KIF26B: variants seen among roughly 807,000 people sequenced by gnomAD.
KIF26B encodes kinesin-like protein KIF26B.
In KIF26B, 63 loss-of-function variants were observed where a neutral mutation model predicts 151.2. The observed-to-expected ratio is 0.42, with a 90% CI of 0.34 to 0.51. The LOEUF is 0.51. KIF26B is among the 20% of genes least tolerant of loss of function. The pLI, the probability that KIF26B is intolerant of heterozygous loss-of-function variation, is 0.07. For synonymous variants in KIF26B, 1,357 were observed against 1,262.1 expected, an observed-to-expected ratio of 1.08 and a Z score of -1.59; for missense variants, 2,813 against 2,913.6, an observed-to-expected ratio of 0.97 and a Z score of 0.79.
At chr1:245,586,221 T>C (rs1431137370) in intron 5 of KIF26B, among the ~76,000 whole-genome samples, 1 of 151,616 alleles carries the variant, frequency 6.6e-6, no homozygotes, top group Non-Finnish European at 1.5e-5. Flanking sequence ...AGACGGGGTC[T>C]TGCTATGTTG....
chr1:245,315,031 T>C (rs981126277), intron 2 of KIF26B, among the ~76,000 whole-genome samples: 4 of 151,408 alleles, frequency 2.6e-5, no homozygotes, highest in African/African-American at 9.7e-5. Context: ...AAATACAAAA[T>C]TAGCTGGGTG....
In KIF26B at chr1:245,465,012, T is replaced by A. The variant is rs1357111603; in HGVS notation, c.1166+45267T>A. Among the ~76,000 whole-genome samples, 28 of 139,800 alleles carry A rather than the reference T, an allele frequency of 2.0e-4. 1 individual carries two copies. The highest frequency in any genetic ancestry group is 6.2e-5 in the Non-Finnish European group (4 of 64,532). 91.7% of individuals were successfully genotyped at this position (139,800 alleles called of 152,430 possible). A position where few individuals can be genotyped will look rare whatever the true frequency, so the allele number is the denominator to read the frequency against. On this transcript the variant is annotated intron_variant, in intron 4 of 14. Transcript: ENST00000407071. ...TTTTTTTTTTGAGACTGAGTCTCAC[T>A]CTGTCGCCCAGGCTGGAGTGCAGGG...
intron 4 of KIF26B, among the ~76,000 whole-genome samples, chr1:245,496,289 GC>G (rs1660512930): frequency 6.6e-6 from 1 of 152,254 alleles, no homozygotes; most frequent in Admixed American, 6.5e-5. Context: ...GGGCATATGG[GC>G]CATTCTATTT....
chr1:245,276,323 T>G (rs1670937744), intron 2 of KIF26B, among the ~76,000 whole-genome samples: 1 of 151,158 alleles, frequency 6.6e-6, no homozygotes, highest in Non-Finnish European at 1.5e-5. Context: ...CAACAGAGAC[T>G]TCCATCTTAA....
In KIF26B at chr1:245,687,623, A is replaced by T. The variant is rs2044549258; in HGVS notation, c.4640A>T (p.Gln1547Leu). 6.4e-7 allele frequency: 1 copy of T among 1,565,462 alleles called. No individual in the cohort carries two copies. The highest frequency in any genetic ancestry group is 2.4e-5 in the East Asian group (1 of 41,946). ...LPRAFQKASR[Q>L]EEPDSLSYYC... ...AGGGCCTTTCAGAAGGCCAGCCGGC[A>T]GGAGGAGCCGGACAGCCTCTCCTAT... Residue 1547 changes from glutamine to leucine, a missense_variant, in exon 12 of 15, where the codon CAG (glutamine) becomes CTG (leucine). By Grantham distance (113) the Gln-to-Leu change is moderately radical. Coordinates refer to ENST00000407071, the MANE Select transcript of KIF26B (RefSeq NM_018012.4). The surrounding 1 kb of genome is among the most constrained non-coding windows in gnomAD (Gnocchi z 4.9).
At position 245,155,472 on chromosome 1, in the gene KIF26B, G is replaced by T; in HGVS notation, c.48G>T (p.Arg16Ser). ...AAGAGAGGCTTGCGGTCTCCACCAGGGGCAAGAAATACGGGGTAAGTTGTG... is the reference window on the plus strand; with the variant it reads ...AAGAGAGGCTTGCGGTCTCCACCAGTGGCAAGAAATACGGGGTAAGTTGTG... ...GNKERLAVST[R>S]GKKYGVNEVC... The change falls in exon 1 of 15, where the codon AGG becomes AGT. Residue 16 changes from arginine to serine, a missense_variant. Physicochemically the swap from Arg to Ser is moderately radical, Grantham distance 110. Coordinates refer to ENST00000407071, the MANE Select transcript of KIF26B (RefSeq NM_018012.4). 1 of 1,612,026 alleles carries T rather than the reference G, an allele frequency of 6.2e-7. No individual in the cohort carries two copies. The highest frequency in any genetic ancestry group is 8.5e-7 in the Non-Finnish European group (1 of 1,178,990).
intron 2 of KIF26B, among the ~76,000 whole-genome samples, chr1:245,264,778 A>C (rs1249041185): frequency 6.6e-6 from 1 of 151,360 alleles, no homozygotes; most frequent in Non-Finnish European, 1.5e-5. Context: ...CTGTAGTCCC[A>C]GCTACTCTAG....
chr1:245,465,360 G>A (rs1221014511), intron 4 of KIF26B, among the ~76,000 whole-genome samples: 4 of 151,922 alleles, frequency 2.6e-5, no homozygotes, highest in Non-Finnish European at 5.9e-5. Flanking sequence ...TGAGGGAGCT[G>A]CTGGTGAGAG....
chr1:245,641,934 G>T (rs2043896339), intron 9 of KIF26B, among the ~76,000 whole-genome samples: 1 of 152,188 alleles, frequency 6.6e-6, no homozygotes, highest in South Asian at 2.1e-4. Context: ...GTCTGGCTTT[G>T]TTTGTGCCTG....
chr1:245,204,994 C>T (rs1033041782), intron 2 of KIF26B, among the ~76,000 whole-genome samples: 20 of 152,128 alleles, frequency 1.3e-4, no homozygotes, highest in Admixed American at 5.9e-4. Context: ...CTATGTTGCC[C>T]AGGCTGGTCT....
intron 4 of KIF26B, among the ~76,000 whole-genome samples, chr1:245,536,144 T>G (rs547068649): frequency 7.9e-5 from 12 of 152,292 alleles, no homozygotes; most frequent in Non-Finnish European, 1.6e-4. Context: ...TGCCTTGAGC[T>G]TCACTTGTTT....
At chr1:245,643,282 TTCTC>T (rs200438501) in intron 9 of KIF26B, among the ~76,000 whole-genome samples, 6 of 152,096 alleles carry the variant, frequency 3.9e-5, no homozygotes, top group Non-Finnish European at 7.4e-5. Context: ...CTGATCTTTG[TTCTC>T]TCTCTCTCTT....
chr1:245,583,017 C>T (rs1422164454), intron 5 of KIF26B, among the ~76,000 whole-genome samples: 4 of 152,090 alleles, frequency 2.6e-5, no homozygotes, highest in South Asian at 4.2e-4. Flanking sequence ...ACCCAGCCAG[C>T]GTAACCACCC....
At chr1:245,292,508 G>A (rs1558377901) in intron 2 of KIF26B, among the ~76,000 whole-genome samples, 2 of 152,150 alleles carry the variant, frequency 1.3e-5, no homozygotes, top group East Asian at 3.9e-4. Context: ...CTCAGAGCAG[G>A]TGCTTCACCT....
At chr1:245,332,907 T>G (rs1034553328) in intron 2 of KIF26B, among the ~76,000 whole-genome samples, 2 of 152,190 alleles carry the variant, frequency 1.3e-5, no homozygotes, top group Non-Finnish European at 2.9e-5. Flanking sequence ...AAACATCTCC[T>G]GGAGACACTG....
At chr1:245,381,981 A>T (rs964725296) in intron 3 of KIF26B, among the ~76,000 whole-genome samples, 8 of 152,224 alleles carry the variant, frequency 5.3e-5, no homozygotes, top group African/African-American at 1.9e-4. Flanking sequence ...ATGTATCAAC[A>T]TTGAGTTGCT....
chr1:245,556,214 C>T (rs188177670), intron 5 of KIF26B, among the ~76,000 whole-genome samples: 1 of 150,656 alleles, frequency 6.6e-6, no homozygotes, highest in East Asian at 1.9e-4. Context: ...TCTTCTTCTT[C>T]CTCCTCCTCC....
At chr1:245,697,186 C>T (rs138839387) in intron 12 of KIF26B, among the ~76,000 whole-genome samples, 473 of 152,284 alleles carry the variant, frequency 3.1e-3, no homozygotes, top group African/African-American at 0.011. Flanking sequence ...ATTAACACAG[C>T]AGTGAGTGCC....
rs1661605699 is a variant in KIF26B, at chr1:245,540,934, C to A, written c.1334C>A (p.Thr445Asn). ...AGGGCTGTCAACAAGGTGAAGGACA[C>A]CCCGGGGCTGGGCAAGGTAGGACCA... ...LLRAVNKVKD[T>N]PGLGKVKVML... is the part of the protein sequence containing the mutation. Residue 445 changes from threonine to asparagine, a missense_variant, in exon 5 of 15, where the codon ACC becomes AAC. Coordinates refer to ENST00000407071, the MANE Select transcript of KIF26B (RefSeq NM_018012.4). The surrounding 1 kb of genome is among the most constrained non-coding windows in gnomAD (Gnocchi z 4.6). 1.2e-6 allele frequency: 2 copies of A among 1,613,106 alleles called. No homozygotes were observed. The highest frequency in any genetic ancestry group is 1.7e-6 in the Non-Finnish European group (2 of 1,179,346).
Sources: allele counts gnomAD v4.1 joint callset (sites outside exome capture counted in the v4.1 genomes callset), GRCh38; gene constraint gnomAD v4.1.1; non-coding constraint Gnocchi (gnomAD v3.1); transcripts MANE v1.5; gene names NCBI Gene and HGNC (gene_info 2026-07-23, HGNC 2026-07-21).